The following PTPRK variants were observed in gnomAD, a reference collection of about 807,000 sequenced individuals.
PTPRK encodes the protein protein tyrosine phosphatase receptor type K.
In PTPRK, 75 loss-of-function variants were observed where a neutral mutation model predicts 178.0. That is an observed-to-expected ratio of 0.42 (90% CI 0.35 to 0.51). The LOEUF is 0.51. Ranked by LOEUF, PTPRK falls within the 20% of genes least tolerant of loss-of-function variation. The pLI is 0.02. For synonymous variants in PTPRK, 637 were observed against 620.6 expected (o/e 1.03, Z -0.39); for missense variants, 1,441 against 1,797.8 (o/e 0.80, Z 3.59).
intron 15 of PTPRK, chr6:128,001,178 T>G (rs1479663076): frequency 6.6e-7 from 1 of 1,514,714 alleles, no homozygotes; most frequent in Non-Finnish European, 8.9e-7. Context: ...TTTCTAGAGT[T>G]CTTTGCAATA....
chr6:128,109,521 A>G (rs1414975245), intron 7 of PTPRK, among the ~76,000 whole-genome samples: 1 of 152,202 alleles, frequency 6.6e-6, no homozygotes, highest in Non-Finnish European at 1.5e-5. Flanking sequence ...GCTCCTTACC[A>G]TAACGACAGA....
chr6:128,186,512 A>T (rs1176548195), intron 6 of PTPRK, among the ~76,000 whole-genome samples: 1 of 152,184 alleles, frequency 6.6e-6, no homozygotes, highest in African/African-American at 2.4e-5. Context: ...CTTTAACTAC[A>T]ACATCCATTC....
Position 128,200,812 on chromosome 6 carries a change from GAGAAGA to G in PTPRK, c.869-16093_869-16088del, listed in dbSNP as rs202144769. Among the ~76,000 whole-genome samples, 24 of 141,232 alleles carry G rather than the reference GAGAAGA, an allele frequency of 1.7e-4. No individual in the cohort carries two copies. In the East Asian group the frequency reaches 3.2e-3, roughly 19 times the overall value. The allele number at this position is 141,232 out of a possible 152,430, so 92.7% of individuals were successfully genotyped here. Reference sequence around the variant, plus strand: ...AAAGAAAAAAAGACAGAAAGAGAGAGAGAAGAAGAAGAAGAAGAAGAAGGATGAGGA... The same window carrying G: ...AAAGAAAAAAAGACAGAAAGAGAGAGAGAAGAAGAAGAAGAAGGATGAGGA... On this transcript the variant is annotated intron_variant, in intron 6 of 29. Coordinates refer to ENST00000368226, the MANE Select transcript of PTPRK (RefSeq NM_002844.4).
intron 27 of PTPRK, among the ~76,000 whole-genome samples, 185 bp from the exon 28 acceptor site, chr6:127,974,012 T>C (rs1774233182): frequency 6.6e-6 from 1 of 152,182 alleles, no homozygotes; most frequent in South Asian, 2.1e-4. Context: ...AACATGGCAA[T>C]CATCCTTTAT....
At chr6:128,389,424 TG>T (rs745787488) in intron 2 of PTPRK, among the ~76,000 whole-genome samples, 1,741 of 146,226 alleles carry the variant, frequency 0.012, 12 homozygotes, top group Non-Finnish European at 0.019. Flanking sequence ...TTTTTTTTGT[TG>T]TGTGTGTGTG....
rs1015263300 is a variant in PTPRK at position 128,079,707 on chromosome 6, G to A, written c.1778-789C>T. ...ATATATACTATGTGCCAAGTTTTAT[G>A]AGAAATGCTATGAATATAAAGACAA... is the stretch of plus-strand genomic sequence containing the variant. On this transcript the variant is annotated intron_variant, in intron 10 of 29. Coordinates refer to ENST00000368226, the MANE Select transcript of PTPRK (RefSeq NM_002844.4). Among the ~76,000 whole-genome samples the A allele has an allele frequency of 2.6e-5, 4 of 152,066 alleles. No individual in the cohort carries two copies. The South Asian group carries it at 8.3e-4, about 32-fold the overall frequency.
At chr6:128,055,418 G>C (rs988129719) in intron 13 of PTPRK, among the ~76,000 whole-genome samples, 1 of 152,076 alleles carries the variant, frequency 6.6e-6, no homozygotes, top group East Asian at 1.9e-4. Context: ...TAATGGTGTA[G>C]AGTTGGATAT....
chr6:128,384,383 C>CT (rs1308812660), intron 2 of PTPRK, among the ~76,000 whole-genome samples: 8 of 109,992 alleles, frequency 7.3e-5, no homozygotes, highest in Non-Finnish European at 1.8e-4. Flanking sequence ...GACAATATTT[C>CT]TATTTTTTTT....
intron 2 of PTPRK, among the ~76,000 whole-genome samples, chr6:128,328,050 C>T (rs753144136): frequency 3.3e-5 from 5 of 152,196 alleles, no homozygotes; most frequent in Non-Finnish European, 7.3e-5. Flanking sequence ...TTTGTTGCTA[C>T]AAGCTCACTG....
At chr6:128,113,822 A>C (rs1791059440) in intron 7 of PTPRK, among the ~76,000 whole-genome samples, 1 of 152,134 alleles carries the variant, frequency 6.6e-6, no homozygotes, top group Admixed American at 6.5e-5. Context: ...CAGTCCTCTA[A>C]ATACATACAA....
chr6:128,055,335 C>T (rs1779712106), intron 13 of PTPRK, among the ~76,000 whole-genome samples: 1 of 151,944 alleles, frequency 6.6e-6, no homozygotes, highest in Non-Finnish European at 1.5e-5. Context: ...GATCTACAAC[C>T]AATGTATATA....
At chr6:128,334,202 G>T (rs950203375) in intron 2 of PTPRK, among the ~76,000 whole-genome samples, 4 of 152,098 alleles carry the variant, frequency 2.6e-5, no homozygotes, top group African/African-American at 9.7e-5. Context: ...GAAATATTGT[G>T]AGAATTACCA....
intron 1 of PTPRK, among the ~76,000 whole-genome samples, chr6:128,468,090 T>C (rs1850115474): frequency 1.3e-5 from 2 of 152,226 alleles, no homozygotes; most frequent in African/African-American, 2.4e-5. Context: ...TTCAGTATCC[T>C]GCGTCTAACA....
At chr6:128,467,232 C>T (rs1176022442) in intron 1 of PTPRK, among the ~76,000 whole-genome samples, 1 of 152,082 alleles carries the variant, frequency 6.6e-6, no homozygotes, top group Non-Finnish European at 1.5e-5. Context: ...AAACTTCTTG[C>T]CTCAGCCTCC....
In PTPRK at chr6:128,335,789, G is replaced by GA. The variant is rs140929946; in HGVS notation, c.224-13480dup. 2.3e-3 allele frequency among the ~76,000 whole-genome samples: 339 copies of GA among 147,010 alleles called. 1 individual carries two copies. Among genetic ancestry groups the GA allele is most frequent in the African/African-American group, 6.9e-3 (278 of 40,228 alleles). ...TTTTGGTATAAAATATATACTTAAA[G>GA]AAAAAAAAAACCTGAAACCCTTGTA... On this transcript the variant is annotated intron_variant, in intron 2 of 29. Coordinates refer to ENST00000368226, the MANE Select transcript of PTPRK (RefSeq NM_002844.4).
At chr6:128,458,931 T>C (rs1848705438) in intron 1 of PTPRK, among the ~76,000 whole-genome samples, 1 of 152,146 alleles carries the variant, frequency 6.6e-6, no homozygotes, top group African/African-American at 2.4e-5. Flanking sequence ...AAATATTCCT[T>C]CTATTATTAA....
At chr6:128,313,233 T>C (rs1475868562) in intron 3 of PTPRK, among the ~76,000 whole-genome samples, 2 of 152,158 alleles carry the variant, frequency 1.3e-5, no homozygotes, top group Non-Finnish European at 2.9e-5. Flanking sequence ...AGTTGTACTT[T>C]TCCCAGTGAC....
intron 13 of PTPRK, among the ~76,000 whole-genome samples, chr6:128,014,718 T>C (rs555041933): frequency 5.1e-4 from 77 of 151,682 alleles, no homozygotes; most frequent in Middle Eastern, 3.4e-3. Flanking sequence ...CAATGACAGG[T>C]TTTGTAAAGC....
In PTPRK at chr6:128,492,429, C is replaced by T. The variant is rs535985923; in HGVS notation, c.100+27830G>A. Among the ~76,000 whole-genome samples, 17 of 152,264 alleles carry T rather than the reference C, an allele frequency of 1.1e-4. 1 individual carries two copies. In the South Asian group the frequency reaches 3.5e-3, roughly 32 times the overall value. On this transcript the variant is annotated intron_variant, in intron 1 of 29. Coordinates refer to ENST00000368226, the MANE Select transcript of PTPRK (RefSeq NM_002844.4). ...TGCCTACTCAAAATTTTCAAGAGAA[C>T]CTTGTAGCCTAACTATCCAAAAATG...
Sources: allele counts gnomAD v4.1 joint callset (sites outside exome capture counted in the v4.1 genomes callset), GRCh38; gene constraint gnomAD v4.1.1; transcripts MANE v1.5; gene names NCBI Gene and HGNC (gene_info 2026-07-23, HGNC 2026-07-21).